Variants in MAPK10 observed in about 807,000 individuals in gnomAD.
The protein encoded by MAPK10 is JNK3 alpha protein kinase.
MAPK10 carries 25 observed loss-of-function variants against 59.3 expected under a neutral mutation model. That is an observed-to-expected ratio of 0.42 (90% CI 0.31 to 0.59). The LOEUF (loss-of-function observed/expected upper bound fraction) is 0.59. Ranked by LOEUF, MAPK10 falls within the 20% of genes least tolerant of loss-of-function variation. The probability of loss-of-function intolerance (pLI) is 0.15; values close to 1 mark genes in which losing one functional copy is unlikely to be tolerated. For synonymous variants in MAPK10, 190 were observed against 200.5 expected (o/e 0.95, Z 0.44); for missense variants, 351 against 568.9 (o/e 0.62, Z 3.90).
intron 1 of MAPK10, among the ~76,000 whole-genome samples, chr4:86,418,864 T>C (rs1746165927): frequency 6.6e-6 from 1 of 152,184 alleles, no homozygotes; most frequent in African/African-American, 2.4e-5. Context: ...AATAATGGCA[T>C]GTGCAGCAAC....
chr4:86,046,613 T>C (rs1241977455), intron 11 of MAPK10, among the ~76,000 whole-genome samples: 4 of 152,124 alleles, frequency 2.6e-5, no homozygotes, highest in Non-Finnish European at 4.4e-5. Context: ...AAATCTACGA[T>C]ATATTAACTC....
chr4:86,216,282 C>CATATATATATAGCATATATATAT (rs1563202122), intron 2 of MAPK10, among the ~76,000 whole-genome samples: 2 of 141,410 alleles, frequency 1.4e-5, no homozygotes, highest in Non-Finnish European at 3.1e-5. Flanking sequence ...AGCACACACA[C>CATATATATATAGCATATATATAT]ATATATATAT....
chr4:86,447,022 A>T (rs895942964), intron 1 of MAPK10, among the ~76,000 whole-genome samples: 1 of 152,166 alleles, frequency 6.6e-6, no homozygotes, highest in Non-Finnish European at 1.5e-5. Flanking sequence ...TTGCATGTTA[A>T]ACGTTTGTAA....
At chr4:86,153,910 C>T (rs116546962) in intron 4 of MAPK10, among the ~76,000 whole-genome samples, 1,531 of 151,998 alleles carry the variant, frequency 0.01, 23 homozygotes, top group African/African-American at 0.035. Context: ...ATTAAGGGTC[C>T]AAAATTTTAA....
Position 86,306,306 on chromosome 4 carries a change from A to G in MAPK10, c.-7+48224T>C, listed in dbSNP as rs142989750. On this transcript the variant is annotated intron_variant, in intron 2 of 13. Transcript: ENST00000641462. ...CTTAATAGAGGATAGCTAGATTCTC[A>G]TTCAATCTATTGTGATATCACATAT... Among the ~76,000 whole-genome samples, 1,414 of 152,358 alleles carry G rather than the reference A, an allele frequency of 9.3e-3. 9 individuals are homozygous for G. The highest frequency in any genetic ancestry group is 0.02 in the Middle Eastern group (6 of 294).
chr4:86,417,343 T>C (rs1397462452), intron 1 of MAPK10, among the ~76,000 whole-genome samples: 1 of 152,210 alleles, frequency 6.6e-6, no homozygotes, highest in Non-Finnish European at 1.5e-5. Flanking sequence ...TTTATTTACA[T>C]TTAATTGTTT....
intron 1 of MAPK10, among the ~76,000 whole-genome samples, chr4:86,518,589 AT>A (rs1756877625): frequency 1.5e-5 from 2 of 136,520 alleles, no homozygotes; most frequent in African/African-American, 2.7e-5. Flanking sequence ...TATCTTTTGT[AT>A]TTTTTTGGTT....
At chr4:86,150,719 G>A (rs753445139) in intron 4 of MAPK10, among the ~76,000 whole-genome samples, 5 of 152,136 alleles carry the variant, frequency 3.3e-5, no homozygotes, top group Admixed American at 1.3e-4. Context: ...AAAATTAGCA[G>A]GGCGTGGCAG....
In MAPK10 at chr4:86,014,175, T is replaced by TGAGCCC. The variant is rs1742314408; in HGVS notation, c.*3047_*3052dup. 1 of 152,104 alleles carries TGAGCCC rather than the reference T, an allele frequency of 6.6e-6. No individual in the cohort carries two copies. Among genetic ancestry groups the TGAGCCC allele is most frequent in the Non-Finnish European group, 1.5e-5 (1 of 68,014 alleles). The allele number at this position is 152,104 out of a possible 1,614,324, so 9.4% of individuals were successfully genotyped here. A position where few individuals can be genotyped will look rare whatever the true frequency, so the allele number is the denominator to read the frequency against. On this transcript the variant is annotated 3_prime_UTR_variant, in exon 14 of 14. Coordinates refer to ENST00000641462, the MANE Select transcript of MAPK10 (RefSeq NM_138982.4). ...AGAGTGCCAACTTCATGTTCCAAAA[T>TGAGCCC]GAGCCCCAACCCCAGGTAGAACCTT...
chr4:86,547,687 G>C (rs979064348), intron 1 of MAPK10, among the ~76,000 whole-genome samples: 4 of 152,232 alleles, frequency 2.6e-5, no homozygotes, highest in Non-Finnish European at 5.9e-5. Context: ...AGGATCCACT[G>C]GGTGAAGCCA....
intron 4 of MAPK10, among the ~76,000 whole-genome samples, chr4:86,122,488 A>G (rs2059424405): frequency 6.6e-6 from 1 of 152,102 alleles, no homozygotes; most frequent in Non-Finnish European, 1.5e-5. Flanking sequence ...GCCATGTTTC[A>G]TCTCCTGTTA....
intron 4 of MAPK10, among the ~76,000 whole-genome samples, chr4:86,113,983 C>T (rs1162159224): frequency 1.3e-5 from 2 of 152,158 alleles, no homozygotes; most frequent in East Asian, 3.9e-4. Flanking sequence ...CTCTGAGATC[C>T]TTTCCTCTAC....
intron 2 of MAPK10, among the ~76,000 whole-genome samples, chr4:86,353,872 T>C (rs1044691955): frequency 2.6e-5 from 4 of 152,214 alleles, no homozygotes; most frequent in African/African-American, 9.6e-5. Context: ...CTATTGATTA[T>C]TGACTTTGGT....
chr4:86,103,112 T>TGTGTGTGTG, intron 6 of MAPK10, 74 bp downstream of exon 6: 1 of 813,616 alleles, frequency 1.2e-6, no homozygotes, highest in Non-Finnish European at 2.2e-6. Flanking sequence ...TGTGTGTGTG[T>TGTGTGTGTG]GTGTGGTGTG....
At chr4:86,096,765 A>C (rs1230012505) in intron 9 of MAPK10, among the ~76,000 whole-genome samples, 2 of 152,026 alleles carry the variant, frequency 1.3e-5, no homozygotes, top group African/African-American at 4.8e-5. Context: ...CAAATAAACT[A>C]TATTAGGTAT....
At chr4:86,452,396 A>G (rs1028456083) in intron 1 of MAPK10, among the ~76,000 whole-genome samples, 3 of 152,180 alleles carry the variant, frequency 2.0e-5, no homozygotes, top group Non-Finnish European at 4.4e-5. Flanking sequence ...GAGAGAAATT[A>G]TTGTAGGCAT....
intron 4 of MAPK10, chr4:86,125,336 C>G (rs1450751359): frequency 6.6e-6 from 1 of 151,554 alleles, no homozygotes; most frequent in Non-Finnish European, 1.5e-5. Flanking sequence ...AATTATTCTT[C>G]TCATTAAAAA....
At chr4:86,022,088 A>G (rs764353608) in intron 13 of MAPK10, among the ~76,000 whole-genome samples, 61 of 152,310 alleles carry the variant, frequency 4.0e-4, no homozygotes, top group Non-Finnish European at 2.9e-4. Flanking sequence ...GGCTCCTCAA[A>G]TGCCGCCAAA....
intron 3 of MAPK10, among the ~76,000 whole-genome samples, chr4:86,174,617 T>A (rs921220955): frequency 2.0e-5 from 3 of 152,080 alleles, no homozygotes; most frequent in Non-Finnish European, 4.4e-5. Flanking sequence ...TAAATTAAAT[T>A]TTTTTAAAAA....
Sources: allele counts gnomAD v4.1 joint callset (sites outside exome capture counted in the v4.1 genomes callset), GRCh38; gene constraint gnomAD v4.1.1; transcripts MANE v1.5; gene names NCBI Gene and HGNC (gene_info 2026-07-23, HGNC 2026-07-21).